SEPTIN6: variants seen among roughly 807,000 people sequenced by gnomAD.
The protein encoded by SEPTIN6 is septin 6.
In SEPTIN6, 8 loss-of-function variants were observed where a neutral mutation model predicts 33.6. The observed-to-expected ratio is 0.24, with a 90% CI of 0.14 to 0.43. The LOEUF (loss-of-function observed/expected upper bound fraction) is 0.43, where lower values mean the gene tolerates loss of function less well. Ranked by LOEUF, SEPTIN6 falls within the 20% of genes least tolerant of loss-of-function variation. The pLI, the probability that SEPTIN6 is intolerant of heterozygous loss-of-function variation, is 1.00. For synonymous variants in SEPTIN6, 131 were observed against 140.0 expected (o/e 0.94, Z 0.45); for missense variants, 250 against 340.8 (o/e 0.73, Z 2.10).
rs1254686515 is a variant in SEPTIN6 at position 119,617,301 on chromosome X, G to GA, written c.*2791dup. On this transcript the variant is annotated 3_prime_UTR_variant, in exon 11 of 11. Coordinates refer to ENST00000394610, the MANE Select transcript of SEPTIN6 (RefSeq NM_145799.4). ...TTTAAAAGCCTTTTCATTGAAGAAG[G>GA]AAAAAATCTGTCTACAGTGAGAAAA... 6.2e-6 allele frequency: 5 copies of GA among 803,383 alleles called. No individual in the cohort carries two copies. Among genetic ancestry groups the GA allele is most frequent in the Admixed American group, 7.7e-5 (1 of 12,972 alleles). The allele number at this position is 803,383 out of a possible 1,213,427, so 66.2% of individuals were successfully genotyped here.
At position 119,619,966 on chromosome X, in the gene SEPTIN6, GC is replaced by G. The variant is rs1349158332; in HGVS notation, c.*126del. 3.5e-5 allele frequency: 42 copies of G among 1,191,632 alleles called. No individual in the cohort carries two copies. Among genetic ancestry groups the G allele is most frequent in the Non-Finnish European group, 4.6e-5 (41 of 888,685 alleles). On this transcript the variant is annotated 3_prime_UTR_variant, in exon 11 of 11. Transcript: ENST00000394610. ...GGAGAGGGCGCGGGTTGGATTGTAT[GC>G]CCCCCAGGCATGTTAAGGGGGAAAT...
chrX:119,619,951 C>T lies in SEPTIN6; in HGVS notation c.*142G>A, dbSNP rs1288432761. On this transcript the variant is annotated 3_prime_UTR_variant, in exon 11 of 11. Coordinates refer to ENST00000394610, the MANE Select transcript of SEPTIN6 (RefSeq NM_145799.4). ...CTTGGCAGGAAGAGAGGAGAGGGCG[C>T]GGGTTGGATTGTATGCCCCCCAGGC... The T allele has an allele frequency of 1.2e-5, 14 of 1,181,013 alleles. No individual in the cohort carries two copies. The highest frequency in any genetic ancestry group is 3.8e-5 in the South Asian group (2 of 52,332).
chrX:119,659,386 A>C (rs1463399642), intron 3 of SEPTIN6, among the ~76,000 whole-genome samples: 1 of 111,603 alleles, frequency 9.0e-6, no homozygotes, highest in African/African-American at 3.3e-5. Flanking sequence ...TTCCACCCAC[A>C]GTTCCCCTCG....
chrX:119,686,470 G>A, intron 1 of SEPTIN6: 1 of 458,052 alleles, frequency 2.2e-6, no homozygotes, highest in Admixed American at 3.4e-5. Flanking sequence ...TAAGTGAGTG[G>A]AAGGGCCGGC....
chrX:119,650,030 G>A lies in SEPTIN6; in HGVS notation c.597C>T (p.Ile199=), dbSNP rs1288195354. Residue 199 remains isoleucine, a synonymous_variant, in exon 5 of 11, where the codon ATC becomes ATT. Coordinates refer to ENST00000394610, the MANE Select transcript of SEPTIN6 (RefSeq NM_145799.4). The part of the protein sequence containing the change: ...ISKSELTKFK[I]KITSELVSNG... ...TGCTGACAAGCTCGCTGGTGATTTT[G>A]ATTTTGAACTTTGTTAGCTCACTCT... 1 of 1,209,632 alleles carries A rather than the reference G, an allele frequency of 8.3e-7. No homozygotes were observed. The highest frequency in any genetic ancestry group is 1.1e-6 in the Non-Finnish European group (1 of 894,677).
At chrX:119,664,077 G>A (rs1390385194) in intron 2 of SEPTIN6, among the ~76,000 whole-genome samples, 1 of 110,428 alleles carries the variant, frequency 9.1e-6, no homozygotes, top group African/African-American at 3.3e-5. Flanking sequence ...TCCATCTCCC[G>A]GGTTCAAGCG....
At chrX:119,678,834 C>A (rs2147635718) in intron 1 of SEPTIN6, among the ~76,000 whole-genome samples, 1 of 111,526 alleles carries the variant, frequency 9.0e-6, no homozygotes, top group East Asian at 2.8e-4. Flanking sequence ...CGGCCTCCAA[C>A]AAATTCAGCA....
In SEPTIN6 at chrX:119,671,380, C is replaced by T. The variant is rs1459248480; in HGVS notation, c.145+4174G>A. The stretch of plus-strand genomic sequence containing the variant: ...TCCGCTCACTGTAAGCTCCGCCTCC[C>T]GGGTTCACGCCATTCTCCTGCCTCA... On this transcript the variant is annotated intron_variant, in intron 2 of 10. Transcript: ENST00000394610. Among the ~76,000 whole-genome samples the T allele has an allele frequency of 5.5e-5, 6 of 108,228 alleles. No individual in the cohort carries two copies. In the East Asian group the frequency reaches 8.9e-4, roughly 16 times the overall value. 94.0% of individuals were successfully genotyped at this position (108,228 alleles called of 115,157 possible). A position where few individuals can be genotyped will look rare whatever the true frequency, so the allele number is the denominator to read the frequency against.
chrX:119,674,511 A>G (rs779163698), intron 2 of SEPTIN6, among the ~76,000 whole-genome samples: 2 of 111,862 alleles, frequency 1.8e-5, no homozygotes, highest in African/African-American at 6.5e-5. Context: ...GTTATCCCTC[A>G]TATTTGTTTG....
intron 1 of SEPTIN6, among the ~76,000 whole-genome samples, chrX:119,682,815 A>G (rs1308863229): frequency 9.0e-6 from 1 of 111,572 alleles, no homozygotes; most frequent in Non-Finnish European, 1.9e-5. Flanking sequence ...CATCTGTGTC[A>G]ATGGAGAATT....
intron 10 of SEPTIN6, among the ~76,000 whole-genome samples, chrX:119,622,356 A>G (rs1041331358): frequency 2.7e-5 from 3 of 111,917 alleles, no homozygotes; most frequent in Non-Finnish European, 3.8e-5. Flanking sequence ...GTGGAGGCAC[A>G]GTAAGCCTCA....
Position 119,619,216 on chromosome X carries a change from C to G in SEPTIN6, c.*877G>C. 1 of 828,120 alleles carries G rather than the reference C, an allele frequency of 1.2e-6. No homozygotes were observed. The highest frequency in any genetic ancestry group is 1.5e-6 in the Non-Finnish European group (1 of 685,922). The allele number at this position is 828,120 out of a possible 1,213,427, so 68.2% of individuals were successfully genotyped here. ...GGGATTTATTATTCCTGCTACTGGC[C>G]TCACCTTATTGGGACAGTATGGAGC... On this transcript the variant is annotated 3_prime_UTR_variant, in exon 11 of 11. Coordinates refer to ENST00000394610, the MANE Select transcript of SEPTIN6 (RefSeq NM_145799.4).
chrX:119,645,957 A>C (rs971006530), intron 5 of SEPTIN6, among the ~76,000 whole-genome samples: 1 of 112,180 alleles, frequency 8.9e-6, no homozygotes, highest in African/African-American at 3.2e-5. Flanking sequence ...GTACTTAATA[A>C]TCCAATTGGC....
intron 3 of SEPTIN6, among the ~76,000 whole-genome samples, chrX:119,656,977 G>A (rs2054455766): frequency 9.1e-6 from 1 of 109,986 alleles, no homozygotes; most frequent in Non-Finnish European, 1.9e-5. Flanking sequence ...TCAGCACTTT[G>A]GGAGGCCGAG....
At chrX:119,673,395 G>C (rs1198518335) in intron 2 of SEPTIN6, among the ~76,000 whole-genome samples, 2 of 110,885 alleles carry the variant, frequency 1.8e-5, no homozygotes, top group Non-Finnish European at 3.8e-5. Context: ...GTGGGAGTGA[G>C]CCATTTAGCT....
chrX:119,661,436 A>T (rs1427625482), intron 3 of SEPTIN6, among the ~76,000 whole-genome samples: 1 of 111,030 alleles, frequency 9.0e-6, no homozygotes, highest in Non-Finnish European at 1.9e-5. Flanking sequence ...GTCTCAAAAA[A>T]AATAAAATAA....
chrX:119,660,405 C>CT (rs2147569304), intron 3 of SEPTIN6, among the ~76,000 whole-genome samples: 1 of 112,447 alleles, frequency 8.9e-6, no homozygotes, highest in South Asian at 3.7e-4. Context: ...TTCAAGGAGG[C>CT]TTTTCATTTC....
intron 1 of SEPTIN6, among the ~76,000 whole-genome samples, chrX:119,692,253 C>T (rs2055185358): frequency 9.1e-6 from 1 of 109,562 alleles, no homozygotes; most frequent in Admixed American, 9.8e-5. Context: ...AACATGCACC[C>T]GAGACAGATC....
At chrX:119,666,280 T>C (rs1168417996) in intron 2 of SEPTIN6, among the ~76,000 whole-genome samples, 1 of 111,796 alleles carries the variant, frequency 8.9e-6, no homozygotes, top group Admixed American at 9.5e-5. Context: ...TGGGTTTGCA[T>C]TGGGCAAATT....
Sources: allele counts gnomAD v4.1 joint callset (sites outside exome capture counted in the v4.1 genomes callset), GRCh38; gene constraint gnomAD v4.1.1; transcripts MANE v1.5; gene names NCBI Gene and HGNC (gene_info 2026-07-23, HGNC 2026-07-21).